Variants in SEL1L2 observed in about 807,000 individuals in gnomAD.
The protein encoded by SEL1L2 is protein sel-1 homolog 2.
A neutral mutation model predicts 98.8 loss-of-function variants in SEL1L2; 89 were observed. The ratio of observed to expected loss-of-function variants is 0.90; its 90% CI spans 0.76 to 1.07. The LOEUF (loss-of-function observed/expected upper bound fraction) is 1.07. Ranked by LOEUF, SEL1L2 falls within the 50% of genes least tolerant of loss-of-function variation. The pLI, the probability that SEL1L2 is intolerant of heterozygous loss-of-function variation, is 0.00. For missense variants in SEL1L2, 788 were observed against 812.0 expected (o/e 0.97, Z 0.36); for synonymous variants, 262 against 278.5 (o/e 0.94, Z 0.59).
In SEL1L2 at chr20:13,905,756, A is replaced by T. The variant is rs75895063; in HGVS notation, c.549+8026T>A. Among the ~76,000 whole-genome samples the T allele has an allele frequency of 3.3e-5, 5 of 152,150 alleles. No homozygotes were observed. The East Asian group carries it at 9.6e-4, about 29-fold the overall frequency. On this transcript the variant is annotated intron_variant, in intron 5 of 19. Transcript: ENST00000284951. ...TTAAATCTTAATCCAGAAAAGAAAA[A>T]TGTTGTGAATTGAAAGAGAAGCTAC...
chr20:13,884,286 T>G (rs2046842242), intron 10 of SEL1L2, among the ~76,000 whole-genome samples: 2 of 151,826 alleles, frequency 1.3e-5, no homozygotes, highest in South Asian at 4.1e-4. Flanking sequence ...CTCCTATAAA[T>G]GAAAAGAGCA....
intron 4 of SEL1L2, among the ~76,000 whole-genome samples, chr20:13,914,532 T>G (rs945301886): frequency 2.6e-5 from 4 of 152,214 alleles, no homozygotes; most frequent in Non-Finnish European, 1.5e-5. Context: ...AGAGTCTGAC[T>G]GCCTGGTTCA....
intron 1 of SEL1L2, among the ~76,000 whole-genome samples, chr20:13,972,871 G>A (rs976503536): frequency 4.6e-5 from 7 of 152,080 alleles, no homozygotes; most frequent in African/African-American, 1.7e-4. Context: ...CTATGAGCGG[G>A]TCTTTTCCCA....
chr20:13,922,188 G>A (rs181025209), intron 3 of SEL1L2, among the ~76,000 whole-genome samples: 177 of 152,152 alleles, frequency 1.2e-3, no homozygotes, highest in African/African-American at 3.9e-3. Context: ...CACAATCCCT[G>A]TTATTTCAAA....
chr20:13,894,661 G>C (rs1019062176), intron 5 of SEL1L2, among the ~76,000 whole-genome samples: 2 of 152,088 alleles, frequency 1.3e-5, no homozygotes, highest in African/African-American at 4.8e-5. Flanking sequence ...AAGTGAAAGA[G>C]GAGACATTAC....
At chr20:13,851,524 T>C (rs551296191) in intron 18 of SEL1L2, 9 of 152,152 alleles carry the variant, frequency 5.9e-5, no homozygotes, top group East Asian at 5.8e-4. Flanking sequence ...TCAAATGATA[T>C]AGTACTATAT....
At chr20:13,889,987 A>AATG (rs1170529137) in intron 5 of SEL1L2, among the ~76,000 whole-genome samples, 6 of 152,216 alleles carry the variant, frequency 3.9e-5, no homozygotes, top group Non-Finnish European at 8.8e-5. Context: ...TTTAATTATA[A>AATG]ATGATCAAAA....
chr20:13,920,227 C>CA (rs4052973), intron 3 of SEL1L2, among the ~76,000 whole-genome samples: 24,295 of 103,020 alleles, frequency 0.24, 2,561 homozygotes, highest in South Asian at 0.3. Context: ...GACTCCGTCC[C>CA]AAAAAAAAAA....
intron 1 of SEL1L2, among the ~76,000 whole-genome samples, chr20:13,975,544 A>G (rs1200874105): frequency 2.0e-5 from 3 of 152,228 alleles, no homozygotes; most frequent in African/African-American, 7.2e-5. Flanking sequence ...TTAAATATCT[A>G]TAAATTTAGA....
chr20:13,897,941 A>AAC (rs557227250), intron 5 of SEL1L2, among the ~76,000 whole-genome samples: 1,782 of 150,134 alleles, frequency 0.012, 16 homozygotes, highest in South Asian at 0.024. Context: ...GGCCACTATA[A>AAC]ACACACACAC....
At chr20:13,887,163 A>C (rs367628652) in intron 8 of SEL1L2, among the ~76,000 whole-genome samples, 3 of 152,252 alleles carry the variant, frequency 2.0e-5, no homozygotes, top group Non-Finnish European at 4.4e-5. Flanking sequence ...TACACCTAAC[A>C]AAGTGTGCAG....
At chr20:13,950,805 G>C in intron 2 of SEL1L2, among the ~76,000 whole-genome samples, 1 of 152,092 alleles carries the variant, frequency 6.6e-6, no homozygotes, top group East Asian at 1.9e-4. Context: ...GTGGCAATAG[G>C]GAGGGAGAAG....
At chr20:13,975,612 T>G (rs918144384) in intron 1 of SEL1L2, among the ~76,000 whole-genome samples, 2 of 152,210 alleles carry the variant, frequency 1.3e-5, no homozygotes, top group Non-Finnish European at 2.9e-5. Context: ...TTTTACAAAG[T>G]ATAGCATTAC....
At chr20:13,916,826 G>A (rs907058016) in intron 4 of SEL1L2, among the ~76,000 whole-genome samples, 1 of 152,072 alleles carries the variant, frequency 6.6e-6, no homozygotes, top group East Asian at 1.9e-4. Flanking sequence ...GGCGGGGGTG[G>A]TCAGGAGACT....
intron 1 of SEL1L2, among the ~76,000 whole-genome samples, chr20:13,971,463 T>A (rs1470666698): frequency 6.6e-6 from 1 of 152,234 alleles, no homozygotes; most frequent in Non-Finnish European, 1.5e-5. Context: ...TCTCACTCTG[T>A]CATCCAGGCT....
At chr20:13,991,970 T>G (rs575855509), upstream of SEL1L2, among the ~76,000 whole-genome samples, 1 of 152,086 alleles carries the variant, frequency 6.6e-6, no homozygotes, top group African/African-American at 2.4e-5. Context: ...ATTGTGCCAC[T>G]GCAATGCAGC....
chr20:13,857,994 C>G lies in SEL1L2; in HGVS notation c.1818+1268G>C, dbSNP rs373358428. 3.3e-5 allele frequency among the ~76,000 whole-genome samples: 5 copies of G among 152,164 alleles called. No individual in the cohort carries two copies. The East Asian group carries it at 5.8e-4, about 18-fold the overall frequency. On this transcript the variant is annotated intron_variant, in intron 18 of 19. Transcript: ENST00000284951. ...GCTATCCATCCTGTCCCATTCTTAC[C>G]CACATTTTACAAACATGGGAAGCTT...
intron 4 of SEL1L2, among the ~76,000 whole-genome samples, chr20:13,914,163 A>G (rs1218618836): frequency 6.6e-6 from 1 of 152,204 alleles, no homozygotes; most frequent in Admixed American, 6.5e-5. Flanking sequence ...ATGCTACTAA[A>G]AAGGAGAAAT....
chr20:13,888,078 C>A (rs2047039940), intron 6 of SEL1L2, 77 bp from the exon 7 acceptor site: 1 of 1,222,502 alleles, frequency 8.2e-7, no homozygotes, highest in Non-Finnish European at 1.2e-6. Flanking sequence ...ACCAAGTATT[C>A]CATTTTTATT....
Sources: allele counts gnomAD v4.1 joint callset (sites outside exome capture counted in the v4.1 genomes callset), GRCh38; gene constraint gnomAD v4.1.1; transcripts MANE v1.5; gene names NCBI Gene and HGNC (gene_info 2026-07-23, HGNC 2026-07-21).